The following PTPRT variants were observed in gnomAD, a reference collection of about 807,000 sequenced individuals.
PTPRT encodes the protein receptor-type tyrosine-protein phosphatase T.
Under a neutral mutation model 176.8 loss-of-function variants are expected in PTPRT, and 56 were observed. The ratio of observed to expected loss-of-function variants is 0.32; its 90% CI spans 0.26 to 0.40. PTPRT has a LOEUF of 0.40. Ranked by LOEUF, PTPRT falls within the 10% of genes least tolerant of loss-of-function variation. The pLI is 1.00. For synonymous variants in PTPRT, 783 were observed against 739.0 expected, an observed-to-expected ratio of 1.06 and a Z score of -0.96; for missense variants, 1,540 against 1,908.2, an observed-to-expected ratio of 0.81 and a Z score of 3.60.
chr20:43,162,960 C>T (rs1263400729), intron 1 of PTPRT, among the ~76,000 whole-genome samples: 3 of 152,224 alleles, frequency 2.0e-5, no homozygotes, highest in East Asian at 3.9e-4. Context: ...CCAAACCAGA[C>T]GGTGAGCTCC....
Position 42,209,577 on chromosome 20 carries a change from C to T in PTPRT, c.2343-10189G>A, listed in dbSNP as rs1215343900. ...ATGGATAAATTCCTTGACACATACACTCTCCCAAGACTAAACCAGGAAGAA... is the reference window on the plus strand; with the variant it reads ...ATGGATAAATTCCTTGACACATACATTCTCCCAAGACTAAACCAGGAAGAA... On this transcript the variant is annotated intron_variant, in intron 15 of 30. Coordinates refer to ENST00000373187, the MANE Select transcript of PTPRT (RefSeq NM_007050.6). Among the ~76,000 whole-genome samples the T allele has an allele frequency of 3.3e-5, 5 of 152,318 alleles. No homozygotes were observed. The East Asian group carries it at 7.7e-4, about 23-fold the overall frequency.
At chr20:42,885,719 C>G in intron 2 of PTPRT, 88 bp downstream of exon 2, 1 of 1,500,742 alleles carries the variant, frequency 6.7e-7, no homozygotes, top group Non-Finnish European at 9.0e-7. Flanking sequence ...TCTCAGAGAG[C>G]TCAATGTGTA....
rs148662573 is a variant in PTPRT, at chr20:42,589,283, A to G, written c.1153+88583T>C. Reference sequence around the variant, plus strand: ...GCATTTCTCAGACATATGCCAAGTTATCTTTATCTGGAGAATCAAAGAGGA... The same window carrying G: ...GCATTTCTCAGACATATGCCAAGTTGTCTTTATCTGGAGAATCAAAGAGGA... On this transcript the variant is annotated intron_variant, in intron 7 of 30. Coordinates refer to ENST00000373187, the MANE Select transcript of PTPRT (RefSeq NM_007050.6). Among the ~76,000 whole-genome samples, 1,074 of 152,320 alleles carry G rather than the reference A, an allele frequency of 7.1e-3. 6 individuals are homozygous for G. Among genetic ancestry groups the G allele is most frequent in the Non-Finnish European group, 0.011 (737 of 68,030 alleles).
At chr20:42,235,877 A>G (rs1006164138) in intron 15 of PTPRT, among the ~76,000 whole-genome samples, 4 of 152,212 alleles carry the variant, frequency 2.6e-5, no homozygotes, top group African/African-American at 7.2e-5. Flanking sequence ...GAAGTTGCTA[A>G]GACTGTGATT....
intron 7 of PTPRT, among the ~76,000 whole-genome samples, chr20:42,623,129 C>A (rs991416542): frequency 1.3e-5 from 2 of 152,248 alleles, no homozygotes; most frequent in Non-Finnish European, 2.9e-5. Context: ...AAGACCCCCA[C>A]ATTCACTCTT....
At chr20:42,821,298 C>G (rs2077889044) in intron 2 of PTPRT, among the ~76,000 whole-genome samples, 1 of 152,100 alleles carries the variant, frequency 6.6e-6, no homozygotes, top group East Asian at 1.9e-4. Flanking sequence ...TAAACAGAAC[C>G]AAAGACAAAA....
At chr20:42,734,299 T>C (rs1157638656) in intron 6 of PTPRT, among the ~76,000 whole-genome samples, 1 of 152,098 alleles carries the variant, frequency 6.6e-6, no homozygotes, top group East Asian at 1.9e-4. Context: ...AGAAGCCAGT[T>C]CCTCTCTGTA....
At chr20:43,179,563 G>C (rs1287925704) in intron 1 of PTPRT, among the ~76,000 whole-genome samples, 1 of 152,096 alleles carries the variant, frequency 6.6e-6, no homozygotes, top group Admixed American at 6.5e-5. Context: ...CTTCAATTTT[G>C]GGGGTAAAGG....
At chr20:43,132,140 G>A (rs1036427868) in intron 1 of PTPRT, among the ~76,000 whole-genome samples, 3 of 152,014 alleles carry the variant, frequency 2.0e-5, no homozygotes, top group Admixed American at 2.0e-4. Context: ...CATTGTTACT[G>A]AACATTGTAC....
chr20:42,392,572 C>T (rs1195133150), intron 9 of PTPRT, among the ~76,000 whole-genome samples: 1 of 152,184 alleles, frequency 6.6e-6, no homozygotes, highest in Non-Finnish European at 1.5e-5. Context: ...CAGAGTCAGG[C>T]AGAACTAGCT....
At chr20:42,910,431 G>T (rs967003219) in intron 1 of PTPRT, among the ~76,000 whole-genome samples, 10 of 152,068 alleles carry the variant, frequency 6.6e-5, no homozygotes. Flanking sequence ...TTCCTATTTT[G>T]GGGGGAAAAA....
chr20:42,363,292 ATATATATATTTT>A (rs1208716333), intron 9 of PTPRT, among the ~76,000 whole-genome samples: 4 of 25,456 alleles, frequency 1.6e-4, no homozygotes, highest in African/African-American at 3.6e-4. Context: ...ATATATATAT[ATATATATATTTT>A]TTTTTTTTTT....
chr20:42,225,049 C>T (rs1367065827), intron 15 of PTPRT, among the ~76,000 whole-genome samples: 2 of 152,168 alleles, frequency 1.3e-5, no homozygotes, highest in Non-Finnish European at 2.9e-5. Flanking sequence ...TAGTTCTAGC[C>T]AAAATCATTA....
intron 7 of PTPRT, among the ~76,000 whole-genome samples, chr20:42,524,640 C>T (rs534047018): frequency 2.0e-5 from 3 of 152,206 alleles, no homozygotes; most frequent in African/African-American, 7.2e-5. Flanking sequence ...GATAAACTGG[C>T]TTTTTGAAAC....
Position 42,111,581 on chromosome 20 carries a change from A to ATAAT in PTPRT, c.3100-1098_3100-1095dup, listed in dbSNP as rs1986999022. Among the ~76,000 whole-genome samples the ATAAT allele has an allele frequency of 4.2e-5, 6 of 142,964 alleles. No homozygotes were observed. The South Asian group carries it at 1.3e-3, about 31-fold the overall frequency. 93.8% of individuals were successfully genotyped at this position (142,964 alleles called of 152,430 possible). A position where few individuals can be genotyped will look rare whatever the true frequency, so the allele number is the denominator to read the frequency against. On this transcript the variant is annotated intron_variant, in intron 22 of 30. Coordinates refer to ENST00000373187, the MANE Select transcript of PTPRT (RefSeq NM_007050.6). ...ATCTTGAAACAGACTAATAGTGAAA[A>ATAAT]TAATAACTAACAAACATTAACTAAG...
chr20:42,883,096 G>A (rs569400605), intron 2 of PTPRT, among the ~76,000 whole-genome samples: 3 of 152,316 alleles, frequency 2.0e-5, no homozygotes, highest in South Asian at 2.1e-4. Context: ...CTTTCCTGGA[G>A]CAATGAGAAG....
chr20:43,036,201 AT>A (rs985495535), intron 1 of PTPRT, among the ~76,000 whole-genome samples: 3 of 152,282 alleles, frequency 2.0e-5, no homozygotes, highest in Middle Eastern at 3.4e-3. Context: ...TTTAAAAAAA[AT>A]TTTGTTTTGC....
chr20:42,841,574 C>T (rs867265122), intron 2 of PTPRT, among the ~76,000 whole-genome samples: 111 of 147,182 alleles, frequency 7.5e-4, no homozygotes, highest in African/African-American at 2.6e-3. Context: ...TAACAGTTTG[C>T]GTCAGGTTTG....
At chr20:42,800,592 G>A (rs183349693) in intron 2 of PTPRT, among the ~76,000 whole-genome samples, 12 of 152,136 alleles carry the variant, frequency 7.9e-5, no homozygotes, top group East Asian at 3.9e-4. Context: ...TCACACATCC[G>A]TTGGCATGAT....
Sources: allele counts gnomAD v4.1 joint callset (sites outside exome capture counted in the v4.1 genomes callset), GRCh38; gene constraint gnomAD v4.1.1; transcripts MANE v1.5; gene names NCBI Gene and HGNC (gene_info 2026-07-23, HGNC 2026-07-21).